The following ZFP64 variants were observed in gnomAD, a reference collection of about 807,000 sequenced individuals.
ZFP64 encodes the protein zinc finger protein 64.
Under a neutral mutation model 51.6 loss-of-function variants are expected in ZFP64, and 14 were observed. That is an observed-to-expected ratio of 0.27 (90% confidence interval 0.18 to 0.42). The LOEUF is 0.42. ZFP64 is among the 10% of genes least tolerant of loss of function. The pLI, the probability that ZFP64 is intolerant of heterozygous loss-of-function variation, is 1.00. For missense variants in ZFP64, 754 were observed against 906.8 expected (o/e 0.83, Z 2.16); for synonymous variants, 375 against 361.4 (o/e 1.04, Z -0.43).
exon 9 of ZFP64, chr20:52,084,688 T>C (rs779434068): frequency 1.2e-6 from 2 of 1,614,264 alleles, no homozygotes; most frequent in Non-Finnish European, 1.7e-6. Context: ...CTCTGATCAC[T>C]GTGCTGCTTC....
intron 5 of ZFP64, among the ~76,000 whole-genome samples, chr20:52,119,773 A>G (rs1217132348): frequency 2.6e-5 from 4 of 151,672 alleles, no homozygotes; most frequent in Non-Finnish European, 5.9e-5. Context: ...ACCCCTCCCC[A>G]CTCACTACAA....
At chr20:52,139,846 TTG>T (rs1980167180) in intron 5 of ZFP64, among the ~76,000 whole-genome samples, 1 of 131,272 alleles carries the variant, frequency 7.6e-6, no homozygotes, top group Non-Finnish European at 1.7e-5. Flanking sequence ...GGGCGCTGAG[TTG>T]TTTTTTTTTT....
chr20:52,088,651 C>T, intron 7 of ZFP64: 2 of 1,613,872 alleles, frequency 1.2e-6, no homozygotes, highest in Non-Finnish European at 1.7e-6. Context: ...CTCCTTCAAA[C>T]ACATAAGGAG....
chr20:52,111,197 A>ATTT (rs771671628), intron 5 of ZFP64: 160 of 468,132 alleles, frequency 3.4e-4, no homozygotes, highest in South Asian at 7.7e-4. Context: ...TCAGCGGTCA[A>ATTT]TTTTTTTTTT....
intron 6 of ZFP64, chr20:52,098,338 A>C (rs2079014331): frequency 1.3e-6 from 2 of 1,523,360 alleles, no homozygotes; most frequent in Admixed American, 1.9e-5. Context: ...TGTTGTCAGC[A>C]AACAAGAGTA....
chr20:52,160,454 A>G lies in ZFP64; in HGVS notation c.512-80T>C, dbSNP rs2123000384. Reference sequence around the variant, plus strand: ...AGGCTTATTTCCCACTGCCTTACGAAAAAAGTCATATACAACCACCGAAGA... The same window carrying G: ...AGGCTTATTTCCCACTGCCTTACGAGAAAAGTCATATACAACCACCGAAGA... On this transcript the variant is annotated intron_variant, in intron 4 of 5. Transcript: ENST00000216923. This position sits in a 1 kb window ranked among gnomAD's most constrained non-coding sequence, Gnocchi z 4.2. The G allele has an allele frequency of 4.6e-6, 7 of 1,510,080 alleles. No homozygotes were observed. The Admixed American group carries it at 6.6e-5, about 14-fold the overall frequency. The allele number at this position is 1,510,080 out of a possible 1,614,324, so 93.5% of individuals were successfully genotyped here.
At chr20:52,167,866 AATATCCATGC>A (rs1568693453) in intron 2 of ZFP64, among the ~76,000 whole-genome samples, 4 of 152,190 alleles carry the variant, frequency 2.6e-5, no homozygotes, top group Non-Finnish European at 5.9e-5. Flanking sequence ...CCAAAGCACT[AATATCCATGC>A]CACAGGCTCC....
chr20:52,157,503 T>C (rs1286584399), intron 5 of ZFP64, among the ~76,000 whole-genome samples: 3 of 152,160 alleles, frequency 2.0e-5, no homozygotes, highest in Admixed American at 1.3e-4. Flanking sequence ...AGGAAAGTGA[T>C]GGAAAGGATG....
chr20:52,177,304 G>A (rs1038518167), intron 2 of ZFP64, among the ~76,000 whole-genome samples: 1 of 152,020 alleles, frequency 6.6e-6, no homozygotes, highest in Non-Finnish European at 1.5e-5. Flanking sequence ...TCCCTTTAAC[G>A]AGGCAGTGGT....
In ZFP64 at chr20:52,153,023, A is replaced by G; in HGVS notation, c.1169T>C (p.Met390Thr). The change falls in exon 6 of 6, where the codon ATG becomes ACG. Residue 390 changes from methionine to threonine, a missense_variant. Coordinates refer to ENST00000216923, the MANE Select transcript of ZFP64 (RefSeq NM_018197.3). The surrounding 1 kb of genome is among the most constrained non-coding windows in gnomAD (Gnocchi z 5.1). ...TKQPSNLSKH[M>T]KKFHGDMVKT... is the part of the protein sequence containing the mutation. ...AACCATGTCCCCATGGAACTTCTTC[A>G]TGTGCTTGCTCAGGTTGCTGGGCTG... 6.2e-7 allele frequency: 1 copy of G among 1,613,922 alleles called. No homozygotes were observed. Among genetic ancestry groups the G allele is most frequent in the Non-Finnish European group, 8.5e-7 (1 of 1,179,994 alleles).
intron 8 of ZFP64, among the ~76,000 whole-genome samples, chr20:52,086,984 G>C (rs2078871753): frequency 6.6e-6 from 1 of 152,102 alleles, no homozygotes; most frequent in South Asian, 2.1e-4. Context: ...TAGCATGGTG[G>C]CTGGGAGTAA....
intron 2 of ZFP64, among the ~76,000 whole-genome samples, chr20:52,168,611 AT>A (rs1290598601): frequency 6.6e-6 from 1 of 152,022 alleles, no homozygotes; most frequent in Non-Finnish European, 1.5e-5. Context: ...TTTTCCACCT[AT>A]CTTGGCAGTA....
At chr20:52,105,590 A>AT (rs942463012) in intron 5 of ZFP64, 13 of 193,176 alleles carry the variant, frequency 6.7e-5, no homozygotes, top group African/African-American at 3.0e-4. Context: ...CCGTGTCTGC[A>AT]TTTTAACGAG....
In ZFP64 at chr20:52,191,342, C is replaced by T. The variant is rs759946099; in HGVS notation, c.46+249G>A. Reference sequence around the variant, plus strand: ...ACGGCGTGCCCTCCCCCACTGTTCCCTTCCAAGGGGTCTCGCAAGGCTGGA... The same window carrying T: ...ACGGCGTGCCCTCCCCCACTGTTCCTTTCCAAGGGGTCTCGCAAGGCTGGA... On this transcript the variant is annotated intron_variant, in intron 1 of 5. Transcript: ENST00000216923. This position sits in a 1 kb window ranked among gnomAD's most constrained non-coding sequence, Gnocchi z 4.3. Among the ~76,000 whole-genome samples the T allele has an allele frequency of 5.3e-5, 8 of 152,196 alleles. No individual in the cohort carries two copies. The highest frequency in any genetic ancestry group is 7.4e-5 in the Non-Finnish European group (5 of 68,024).
Position 52,153,305 on chromosome 20 carries a change from C to A in ZFP64, c.887G>T (p.Cys296Phe). Residue 296 changes from cysteine to phenylalanine, a missense_variant, in exon 6 of 6, where the codon TGC (cysteine) becomes TTC (phenylalanine). By Grantham distance (205) the Cys-to-Phe change is radical. Transcript: ENST00000216923. The surrounding 1 kb of genome is among the most constrained non-coding windows in gnomAD (Gnocchi z 5.1). ...PFKCEFCNVR[C>F]TMKGNLKSHI... ...CGACTTGAGGTTCCCCTTCATGGTG[C>A]AGCGGACATTGCAGAACTCGCACTT... The A allele has an allele frequency of 6.2e-7, 1 of 1,614,206 alleles. No individual in the cohort carries two copies. The highest frequency in any genetic ancestry group is 1.1e-5 in the South Asian group (1 of 91,082).
intron 5 of ZFP64, among the ~76,000 whole-genome samples, chr20:52,113,060 C>T (rs527939908): frequency 2.0e-5 from 3 of 152,214 alleles, no homozygotes; most frequent in African/African-American, 4.8e-5. Flanking sequence ...GGAGGCAGGG[C>T]GCTGTGGCTC....
At chr20:52,165,686 CCA>C (rs1982201262) in intron 3 of ZFP64, 176 bp downstream of exon 3, 9 of 840,820 alleles carry the variant, frequency 1.1e-5, no homozygotes, top group Non-Finnish European at 1.5e-5. Flanking sequence ...GGCAGAATGA[CCA>C]CAGACAGTGG....
chr20:52,188,300 TTTTC>T (rs1487976388), intron 1 of ZFP64, among the ~76,000 whole-genome samples: 1 of 142,176 alleles, frequency 7.0e-6, no homozygotes, highest in African/African-American at 2.8e-5. Context: ...CATTATTTCT[TTTTC>T]TTTCTTTTTT....
rs1482038000 is a variant in ZFP64 at position 52,169,599 on chromosome 20, T to G, written c.287-3574A>C. ...GATTGGCTGGGCTCCATCTCTTAAC[T>G]GTCCTCTACCATAAGCCTGGGCAAG... On this transcript the variant is annotated intron_variant, in intron 2 of 5. Transcript: ENST00000216923. 2.6e-5 allele frequency among the ~76,000 whole-genome samples: 4 copies of G among 152,302 alleles called. No homozygotes were observed. In the East Asian group the frequency reaches 7.7e-4, roughly 29 times the overall value.
Sources: allele counts gnomAD v4.1 joint callset (sites outside exome capture counted in the v4.1 genomes callset), GRCh38; gene constraint gnomAD v4.1.1; non-coding constraint Gnocchi (gnomAD v3.1); transcripts MANE v1.5; gene names NCBI Gene and HGNC (gene_info 2026-07-23, HGNC 2026-07-21).